The following BORCS5 variants were observed in gnomAD, a reference collection of about 807,000 sequenced individuals.
BORCS5 encodes the protein BLOC-1 related complex subunit 5.
In BORCS5, 17 loss-of-function variants were observed where a neutral mutation model predicts 22.1. The ratio of observed to expected loss-of-function variants is 0.77; its 90% CI spans 0.53 to 1.15. The LOEUF (loss-of-function observed/expected upper bound fraction) is 1.15. Among genes scored for constraint, BORCS5 ranks in the 50% most tolerant of loss-of-function variants. The probability of loss-of-function intolerance (pLI) is 0.00; values close to 1 mark genes in which losing one functional copy is unlikely to be tolerated. For missense variants in BORCS5, 247 were observed against 253.2 expected, an observed-to-expected ratio of 0.98 and a Z score of 0.17; for synonymous variants, 117 against 99.8, an observed-to-expected ratio of 1.17 and a Z score of -1.03.
chr12:12,361,929 C>T (rs926064158), intron 2 of BORCS5, among the ~76,000 whole-genome samples: 4 of 152,092 alleles, frequency 2.6e-5, no homozygotes, highest in African/African-American at 7.2e-5. Context: ...ACCTTTTGAA[C>T]GAAGGCCACA....
intron 2 of BORCS5, among the ~76,000 whole-genome samples, chr12:12,363,815 T>C (rs866576077): frequency 6.6e-6 from 1 of 151,866 alleles, no homozygotes; most frequent in Middle Eastern, 3.4e-3. Context: ...GGAGAATTGC[T>C]AGAACCAGGA....
chr12:12,390,800 A>AT (rs1941157908), intron 2 of BORCS5, among the ~76,000 whole-genome samples: 1 of 151,378 alleles, frequency 6.6e-6, no homozygotes, highest in Admixed American at 6.6e-5. Context: ...AAAAAAAAAA[A>AT]TTATGGTCAA....
chr12:12,368,606 A>T (rs967996897), intron 2 of BORCS5, among the ~76,000 whole-genome samples: 11 of 140,594 alleles, frequency 7.8e-5, no homozygotes, highest in African/African-American at 2.9e-4. Flanking sequence ...CACCTGGCTA[A>T]TTTTTTTTTT....
At chr12:12,375,959 C>T (rs1043833579) in intron 2 of BORCS5, among the ~76,000 whole-genome samples, 13 of 152,054 alleles carry the variant, frequency 8.5e-5, no homozygotes, top group Middle Eastern at 3.4e-3. Flanking sequence ...CGTCCACCAC[C>T]GCGCACAGCT....
chr12:12,449,225 A>AAG (rs149674888), intron 3 of BORCS5, among the ~76,000 whole-genome samples: 2,145 of 152,198 alleles, frequency 0.014, 40 homozygotes, highest in African/African-American at 0.048. Context: ...ATTAGTCAGA[A>AAG]AGGGCTGGGG....
At chr12:12,405,066 G>A (rs894580702) in intron 2 of BORCS5, among the ~76,000 whole-genome samples, 2 of 152,198 alleles carry the variant, frequency 1.3e-5, no homozygotes, top group African/African-American at 4.8e-5. Flanking sequence ...ACCTTACTGA[G>A]TAACTGGGAA....
chr12:12,374,078 C>G (rs919002146), intron 2 of BORCS5, among the ~76,000 whole-genome samples: 2 of 148,058 alleles, frequency 1.4e-5, no homozygotes, highest in Non-Finnish European at 3.0e-5. Flanking sequence ...AGCTCTGCCT[C>G]CCGGGTTCAC....
Position 12,450,138 on chromosome 12 carries a change from C to T in BORCS5, c.360+14353C>T, listed in dbSNP as rs543177524. Among the ~76,000 whole-genome samples the T allele has an allele frequency of 2.0e-3, 302 of 152,324 alleles. 1 individual carries two copies. The highest frequency in any genetic ancestry group is 2.7e-3 in the Non-Finnish European group (187 of 68,036). ...GGAAATGTCATTGGTAGACTTTGGT[C>T]GCTTAGGACAGGTGTGGTGGCCCTT... On this transcript the variant is annotated intron_variant, in intron 3 of 3. Transcript: ENST00000314565.
Position 12,413,127 on chromosome 12 carries a change from T to TA in BORCS5, c.203-22500dup, listed in dbSNP as rs1555150820. On this transcript the variant is annotated intron_variant, in intron 2 of 3. Coordinates refer to ENST00000314565, the MANE Select transcript of BORCS5 (RefSeq NM_058169.6). ...ATGACTCTTTTTTTTTTTTTTTTTTTATTGATCATTCTTGGGTGTTTCTCG... is the reference window on the plus strand; with the variant it reads ...ATGACTCTTTTTTTTTTTTTTTTTTTAATTGATCATTCTTGGGTGTTTCTCG... Among the ~76,000 whole-genome samples, 54 of 87,152 alleles carry TA rather than the reference T, an allele frequency of 6.2e-4. 7 individuals are homozygous for TA. Among genetic ancestry groups the TA allele is most frequent in the Non-Finnish European group, 8.1e-4 (35 of 43,414 alleles). 57.2% of individuals were successfully genotyped at this position (87,152 alleles called of 152,430 possible).
In BORCS5 at chr12:12,358,463, TACGTTTTTCTATTTCCTTGGA is replaced by T. The variant is rs1410655002; in HGVS notation, c.58+956_58+976del. Among the ~76,000 whole-genome samples the T allele has an allele frequency of 2.6e-5, 4 of 152,366 alleles. No individual in the cohort carries two copies. In the East Asian group the frequency reaches 7.7e-4, roughly 29 times the overall value. On this transcript the variant is annotated intron_variant, in intron 1 of 3. Transcript: ENST00000314565. ...GGTGAGCAGCATCTACTAGCTTTGCTACGTTTTTCTATTTCCTTGGAAGGGCCAGAGTGTCATATCTGTTAT... is the reference window on the plus strand; with the variant it reads ...GGTGAGCAGCATCTACTAGCTTTGCTAGGGCCAGAGTGTCATATCTGTTAT...
intron 3 of BORCS5, among the ~76,000 whole-genome samples, chr12:12,462,660 T>TTTTATTTATTTA (rs10627853): frequency 2.5e-4 from 38 of 151,070 alleles, no homozygotes; most frequent in Admixed American, 1.5e-3. Flanking sequence ...ATTTATTTTA[T>TTTTATTTATTTA]TTTATTTATT....
chr12:12,420,709 C>G (rs145862036), intron 2 of BORCS5, among the ~76,000 whole-genome samples: 1 of 152,264 alleles, frequency 6.6e-6, no homozygotes, highest in African/African-American at 2.4e-5. Flanking sequence ...TTTGTGTCCT[C>G]TTTTATCTCG....
chr12:12,357,263 G>T lies in BORCS5; in HGVS notation c.-189G>T. ...CTTGCGTTTCTGTTCCCCAAATAGG[G>T]CCTCTCCTTCTCCCGCCGCCCAGGC... is the stretch of plus-strand genomic sequence containing the variant. On this transcript the variant is annotated 5_prime_UTR_variant, in exon 1 of 4. Coordinates refer to ENST00000314565, the MANE Select transcript of BORCS5 (RefSeq NM_058169.6). 1 of 1,461,906 alleles carries T rather than the reference G, an allele frequency of 6.8e-7. No individual in the cohort carries two copies. Among genetic ancestry groups the T allele is most frequent in the Non-Finnish European group, 9.0e-7 (1 of 1,109,058 alleles). 90.6% of individuals were successfully genotyped at this position (1,461,906 alleles called of 1,614,324 possible). A position where few individuals can be genotyped will look rare whatever the true frequency, so the allele number is the denominator to read the frequency against.
rs60014612 is a variant in BORCS5 at position 12,441,043 on chromosome 12, C to T, written c.360+5258C>T. On this transcript the variant is annotated intron_variant, in intron 3 of 3. Coordinates refer to ENST00000314565, the MANE Select transcript of BORCS5 (RefSeq NM_058169.6). ...GAAGGAGAAAGGGGGATTCTTAGAG[C>T]AAGATCCCTGAGGAGGCAAGAGTTG... Among the ~76,000 whole-genome samples, 328 of 152,246 alleles carry T rather than the reference C, an allele frequency of 2.2e-3. 3 individuals carry two copies. Among genetic ancestry groups the T allele is most frequent in the African/African-American group, 6.8e-3 (283 of 41,558 alleles).
At chr12:12,365,913 A>G (rs954641997) in intron 2 of BORCS5, among the ~76,000 whole-genome samples, 1 of 152,228 alleles carries the variant, frequency 6.6e-6, no homozygotes, top group Non-Finnish European at 1.5e-5. Flanking sequence ...AGCCCATTAT[A>G]GAAATCACTA....
At chr12:12,455,962 A>G (rs1352226327) in intron 3 of BORCS5, among the ~76,000 whole-genome samples, 1 of 152,182 alleles carries the variant, frequency 6.6e-6, no homozygotes, top group African/African-American at 2.4e-5. Context: ...GAGGGTTATT[A>G]AATTTGCTTT....
intron 2 of BORCS5, among the ~76,000 whole-genome samples, chr12:12,410,706 A>G (rs7306726): frequency 0.31 from 47,214 of 151,910 alleles, 8,424 homozygotes; most frequent in African/African-American, 0.5. Context: ...ACTTGGCAAC[A>G]CGGGCTCTTT....
chr12:12,420,327 A>C (rs6647107), intron 2 of BORCS5, among the ~76,000 whole-genome samples: 2 of 151,976 alleles, frequency 1.3e-5, no homozygotes, highest in African/African-American at 4.8e-5. Context: ...TCTTGTTTTT[A>C]TCAGGTTTGT....
rs536402227 is a variant in BORCS5 at position 12,411,444 on chromosome 12, G to T, written c.203-24184G>T. 7.9e-5 allele frequency among the ~76,000 whole-genome samples: 12 copies of T among 152,070 alleles called. No individual in the cohort carries two copies. In the East Asian group the frequency reaches 2.1e-3, roughly 27 times the overall value. On this transcript the variant is annotated intron_variant, in intron 2 of 3. Coordinates refer to ENST00000314565, the MANE Select transcript of BORCS5 (RefSeq NM_058169.6). The stretch of plus-strand genomic sequence containing the variant: ...CCATTTATGAATTGGGTTGTTTGAG[G>T]TTTTTTGTTGGGTTTTAGGAATTCT...
Sources: gnomAD v4.1 joint callset for allele counts (sites outside exome capture counted in the v4.1 genomes callset) on GRCh38, gnomAD v4.1.1 for gene constraint, MANE v1.5 for transcripts, NCBI Gene and HGNC (gene_info 2026-07-23, HGNC 2026-07-21) for gene names.